Variants in GALNT13 observed in about 807,000 individuals in gnomAD.
GALNT13 encodes the protein UDP-GalNAc:polypeptide N-acetylgalactosaminyltransferase 13.
In GALNT13, 28 loss-of-function variants were observed where a neutral mutation model predicts 64.2. The observed-to-expected ratio is 0.44, with a 90% CI of 0.32 to 0.60. The LOEUF (loss-of-function observed/expected upper bound fraction) is 0.60, where lower values mean the gene tolerates loss of function less well. GALNT13 is among the 20% of genes least tolerant of loss of function. The pLI is 0.05. For missense variants in GALNT13, 577 were observed against 669.8 expected (o/e 0.86, Z 1.53); for synonymous variants, 214 against 224.6 (o/e 0.95, Z 0.42).
At chr2:154,211,629 C>CAAAAAAAAAAAAAAA (rs140095331) in intron 4 of GALNT13, among the ~76,000 whole-genome samples, 29 of 37,928 alleles carry the variant, frequency 7.6e-4, no homozygotes, top group South Asian at 1.7e-3. Flanking sequence ...ACTCCATCTC[C>CAAAAAAAAAAAAAAA]AAAAAAAAAA....
At chr2:153,074,571 A>C in the GALNT13 span, among the ~76,000 whole-genome samples, 1 of 152,154 alleles carries the variant, frequency 6.6e-6, no homozygotes, top group Non-Finnish European at 1.5e-5. Context: ...ACAATAGGCA[A>C]TTGCACTACA....
chr2:153,816,127 A>C, the GALNT13 span, among the ~76,000 whole-genome samples: 1 of 152,250 alleles, frequency 6.6e-6, no homozygotes. Flanking sequence ...GATTGTCGTT[A>C]TAAGTTCTAT....
the GALNT13 span, among the ~76,000 whole-genome samples, chr2:153,228,765 A>G: frequency 6.7e-6 from 1 of 148,944 alleles, no homozygotes; most frequent in Non-Finnish European, 1.5e-5. Context: ...CCTAGCTACT[A>G]GGGAGGCTGA....
At position 154,004,106 on chromosome 2, in the gene GALNT13, A is replaced by G. The variant is rs151222815; in HGVS notation, c.142+59467A>G. Among the ~76,000 whole-genome samples the G allele has an allele frequency of 8.5e-4, 130 of 152,316 alleles. 1 individual carries two copies. The East Asian group carries it at 0.023, about 27-fold the overall frequency. ...AATGAATTATAGACTAATTCTAATT[A>G]TAGACTAATTCTAATACATTTAATT... On this transcript the variant is annotated intron_variant, in intron 3 of 12. Transcript: ENST00000392825.
the GALNT13 span, among the ~76,000 whole-genome samples, chr2:153,659,736 C>G: frequency 6.6e-6 from 1 of 152,082 alleles, no homozygotes; most frequent in Non-Finnish European, 1.5e-5. Flanking sequence ...CAGCTTTCTG[C>G]TGACTCTGAG....
chr2:153,443,096 G>GA, the GALNT13 span, among the ~76,000 whole-genome samples: 5 of 151,834 alleles, frequency 3.3e-5, no homozygotes, highest in Admixed American at 6.6e-5. Context: ...ACTGGTGTCT[G>GA]AAAAAAAACT....
the GALNT13 span, among the ~76,000 whole-genome samples, chr2:153,730,731 C>A: frequency 8.2e-3 from 1,244 of 151,606 alleles, 50 homozygotes; most frequent in East Asian, 0.12. Flanking sequence ...AAAAAGTTGG[C>A]AAAAAACATA....
intron 4 of GALNT13, among the ~76,000 whole-genome samples, chr2:154,210,398 A>G (rs1435880619): frequency 1.3e-5 from 2 of 152,168 alleles, no homozygotes; most frequent in Admixed American, 6.5e-5. Context: ...GTAGCTTTTG[A>G]GAAACCTTTA....
chr2:153,861,012 A>G, the GALNT13 span, among the ~76,000 whole-genome samples: 3 of 152,212 alleles, frequency 2.0e-5, no homozygotes, highest in Non-Finnish European at 4.4e-5. Flanking sequence ...ATATGTATCT[A>G]AAGAGTTCTG....
the GALNT13 span, among the ~76,000 whole-genome samples, chr2:153,257,045 G>C: frequency 0.016 from 2,439 of 152,314 alleles, 78 homozygotes; most frequent in African/African-American, 0.054. Flanking sequence ...GCGCCCCTCC[G>C]CCAGCCTCGC....
chr2:153,598,498 C>T, the GALNT13 span, among the ~76,000 whole-genome samples: 9 of 152,072 alleles, frequency 5.9e-5, no homozygotes, highest in Non-Finnish European at 1.2e-4. Flanking sequence ...TTGCACTTTT[C>T]ACTACATGAT....
chr2:154,298,694 C>A (rs184111729), intron 8 of GALNT13, among the ~76,000 whole-genome samples: 3,264 of 7,402 alleles, frequency 0.44, 1,057 homozygotes, highest in Middle Eastern at 1. Flanking sequence ...TTTATATATA[C>A]ATTGTATATA....
intron 7 of GALNT13, among the ~76,000 whole-genome samples, chr2:154,251,779 C>T (rs914456669): frequency 6.6e-5 from 10 of 152,106 alleles, no homozygotes; most frequent in East Asian, 1.9e-4. Context: ...AGCATTTGTG[C>T]CTCTGCTTCC....
At chr2:154,226,257 G>C (rs868712481) in intron 4 of GALNT13, among the ~76,000 whole-genome samples, 2 of 152,066 alleles carry the variant, frequency 1.3e-5, no homozygotes, top group African/African-American at 2.4e-5. Context: ...AAATTGAAAA[G>C]TTTACAAATT....
the GALNT13 span, among the ~76,000 whole-genome samples, chr2:153,690,794 A>T: frequency 6.6e-6 from 1 of 152,178 alleles, no homozygotes; most frequent in Non-Finnish European, 1.5e-5. Flanking sequence ...TCTCAAAAAC[A>T]GGCTTGGCTT....
intron 3 of GALNT13, among the ~76,000 whole-genome samples, chr2:153,970,698 C>G (rs889721743): frequency 2.0e-5 from 3 of 152,124 alleles, no homozygotes; most frequent in Admixed American, 6.6e-5. Flanking sequence ...AATTTCTCAT[C>G]TTTCATCAAA....
At chr2:153,118,937 C>A in the GALNT13 span, among the ~76,000 whole-genome samples, 1 of 152,096 alleles carries the variant, frequency 6.6e-6, no homozygotes, top group Non-Finnish European at 1.5e-5. Context: ...TGGGAGGAAC[C>A]TGGTGGGAGG....
chr2:153,208,508 A>G, the GALNT13 span, among the ~76,000 whole-genome samples: 23,642 of 152,070 alleles, frequency 0.16, 1,949 homozygotes, highest in Non-Finnish European at 0.17. Context: ...TCACTGCCAA[A>G]TAATATTTCA....
At chr2:153,813,256 A>G in the GALNT13 span, among the ~76,000 whole-genome samples, 1 of 152,190 alleles carries the variant, frequency 6.6e-6, no homozygotes, top group Non-Finnish European at 1.5e-5. Context: ...CGAGTACGAC[A>G]TACTCTTGTT....
Sources: allele counts gnomAD v4.1 joint callset (sites outside exome capture counted in the v4.1 genomes callset), GRCh38; gene constraint gnomAD v4.1.1; transcripts MANE v1.5; gene names NCBI Gene and HGNC (gene_info 2026-07-23, HGNC 2026-07-21).